TSHZ2: variants seen among roughly 807,000 people sequenced by gnomAD.
The protein encoded by TSHZ2 is teashirt homolog 2.
TSHZ2 carries 21 observed loss-of-function variants against 74.4 expected under a neutral mutation model. The ratio of observed to expected loss-of-function variants is 0.28; its 90% CI spans 0.20 to 0.41. The LOEUF (loss-of-function observed/expected upper bound fraction) is 0.41. Ranked by LOEUF, TSHZ2 falls within the 10% of genes least tolerant of loss-of-function variation. The probability of loss-of-function intolerance (pLI) is 1.00; values close to 1 mark genes in which losing one functional copy is unlikely to be tolerated. For missense variants in TSHZ2, 1,244 were observed against 1,293.5 expected (o/e 0.96, Z 0.59); for synonymous variants, 540 against 515.3 (o/e 1.05, Z -0.65).
intron 1 of TSHZ2, among the ~76,000 whole-genome samples, chr20:53,039,333 T>C (rs531583762): frequency 1.3e-5 from 2 of 152,332 alleles, no homozygotes; most frequent in South Asian, 4.1e-4. Flanking sequence ...TGTTGTTCTT[T>C]AATTTGTCTA....
chr20:53,243,346 T>C (rs1438797618), intron 1 of TSHZ2, among the ~76,000 whole-genome samples: 1 of 152,218 alleles, frequency 6.6e-6, no homozygotes, highest in Non-Finnish European at 1.5e-5. Flanking sequence ...CTATGAGTCA[T>C]CACTGCATGC....
intron 1 of TSHZ2, among the ~76,000 whole-genome samples, chr20:53,031,006 AT>A (rs200348761): frequency 2.0e-5 from 3 of 152,138 alleles, no homozygotes; most frequent in Non-Finnish European, 4.4e-5. Context: ...TGTGGGCTTT[AT>A]TTTTTTTAAA....
intron 1 of TSHZ2, among the ~76,000 whole-genome samples, chr20:53,160,745 C>CAAAAAA (rs10653039): frequency 1.1e-4 from 11 of 95,828 alleles, no homozygotes; most frequent in African/African-American, 4.6e-4. Context: ...ACTCTGTCTC[C>CAAAAAA]AAAAAAAAAA....
chr20:53,175,260 C>A (rs1988307831), intron 1 of TSHZ2, among the ~76,000 whole-genome samples: 1 of 151,004 alleles, frequency 6.6e-6, no homozygotes, highest in African/African-American at 2.4e-5. Flanking sequence ...CCTGCCTCAG[C>A]CTCCCGAGTA....
Position 53,482,409 on chromosome 20 carries a change from T to C in TSHZ2, c.*9-4735T>C, listed in dbSNP as rs1038402608. On this transcript the variant is annotated intron_variant, in intron 2 of 2. Transcript: ENST00000371497. ...TCACCACAACAGGATCCTTTCATGCTGAGATCCAAAAAAGCCAGATAACCT... is the reference window on the plus strand; with the variant it reads ...TCACCACAACAGGATCCTTTCATGCCGAGATCCAAAAAAGCCAGATAACCT... 5.9e-5 allele frequency among the ~76,000 whole-genome samples: 9 copies of C among 152,256 alleles called. No individual in the cohort carries two copies. The South Asian group carries it at 1.7e-3, about 28-fold the overall frequency.
chr20:53,200,435 T>C (rs1306693233), intron 1 of TSHZ2, among the ~76,000 whole-genome samples: 1 of 152,166 alleles, frequency 6.6e-6, no homozygotes, highest in Non-Finnish European at 1.5e-5. Context: ...CTGGGAGTGA[T>C]TGGAAACTTG....
At chr20:53,167,172 T>C (rs1411733496) in intron 1 of TSHZ2, among the ~76,000 whole-genome samples, 2 of 152,210 alleles carry the variant, frequency 1.3e-5, no homozygotes, top group Non-Finnish European at 2.9e-5. Flanking sequence ...GAATCCAGAA[T>C]AAAGTGGGAA....
At chr20:53,455,695 C>T (rs1207077737) in intron 2 of TSHZ2, among the ~76,000 whole-genome samples, 1 of 151,926 alleles carries the variant, frequency 6.6e-6, no homozygotes. Flanking sequence ...GTATATCTCC[C>T]AATGCTATCC....
intron 1 of TSHZ2, among the ~76,000 whole-genome samples, chr20:53,166,412 G>A (rs1380892350): frequency 6.6e-6 from 1 of 152,046 alleles, no homozygotes; most frequent in Non-Finnish European, 1.5e-5. Context: ...GAGGCCAGGA[G>A]TTTGAGACCA....
Position 53,180,054 on chromosome 20 carries a change from C to A in TSHZ2, c.41-73445C>A, listed in dbSNP as rs145330946. 1.7e-3 allele frequency among the ~76,000 whole-genome samples: 258 copies of A among 152,278 alleles called. 1 individual carries two copies. Among genetic ancestry groups the A allele is most frequent in the Middle Eastern group, 6.8e-3 (2 of 294 alleles). ...ACATAAACTGTCATTTATAGAATGTCGAACCATTTTGGAAATGATTGGAGG... is the reference window on the plus strand; with the variant it reads ...ACATAAACTGTCATTTATAGAATGTAGAACCATTTTGGAAATGATTGGAGG... On this transcript the variant is annotated intron_variant, in intron 1 of 2. Transcript: ENST00000371497.
chr20:53,455,667 C>T (rs931683982), intron 2 of TSHZ2, among the ~76,000 whole-genome samples: 1 of 152,040 alleles, frequency 6.6e-6, no homozygotes, highest in African/African-American at 2.4e-5. Flanking sequence ...CACCCACTAA[C>T]TCGTCATCTA....
At chr20:53,021,472 G>A (rs80045778) in intron 1 of TSHZ2, among the ~76,000 whole-genome samples, 1 of 152,286 alleles carries the variant, frequency 6.6e-6, no homozygotes, top group African/African-American at 2.4e-5. Flanking sequence ...AATTGGGTTT[G>A]CCTTCTTTCT....
intron 2 of TSHZ2, among the ~76,000 whole-genome samples, chr20:53,367,656 C>T (rs528749044): frequency 7.2e-5 from 11 of 151,768 alleles, no homozygotes; most frequent in African/African-American, 1.4e-4. Context: ...CTGCAAGCTC[C>T]GCCTTCTGGG....
chr20:53,129,007 T>A (rs1987026947), intron 1 of TSHZ2, among the ~76,000 whole-genome samples: 1 of 152,108 alleles, frequency 6.6e-6, no homozygotes, highest in African/African-American at 2.4e-5. Context: ...CAAAGGCCCA[T>A]GAAGTGAACA....
At chr20:53,414,947 G>T (rs916948061) in intron 2 of TSHZ2, among the ~76,000 whole-genome samples, 1 of 152,034 alleles carries the variant, frequency 6.6e-6, no homozygotes, top group Non-Finnish European at 1.5e-5. Flanking sequence ...CTTCTTCAGG[G>T]TTTTTAGAGG....
chr20:53,206,485 G>A (rs1989170817), intron 1 of TSHZ2: 1 of 152,196 alleles, frequency 6.6e-6, no homozygotes, highest in East Asian at 1.9e-4. Flanking sequence ...AAATAGAGAA[G>A]GGAAAAGATT....
At chr20:53,069,328 G>A (rs1215031102) in intron 1 of TSHZ2, among the ~76,000 whole-genome samples, 1 of 152,128 alleles carries the variant, frequency 6.6e-6, no homozygotes, top group Non-Finnish European at 1.5e-5. Context: ...CTGCTGGACC[G>A]TGAGTGATTT....
chr20:53,345,514 C>T (rs1387151288), intron 2 of TSHZ2, among the ~76,000 whole-genome samples: 2 of 152,108 alleles, frequency 1.3e-5, no homozygotes, highest in African/African-American at 4.8e-5. Flanking sequence ...CTCCTACTAT[C>T]ATAAGCATCT....
chr20:53,413,650 T>G (rs531419382), intron 2 of TSHZ2, among the ~76,000 whole-genome samples: 1 of 152,252 alleles, frequency 6.6e-6, no homozygotes, highest in Non-Finnish European at 1.5e-5. Flanking sequence ...ACTACTCCAT[T>G]GTGAAGTATT....
Sources: allele counts gnomAD v4.1 joint callset (sites outside exome capture counted in the v4.1 genomes callset), GRCh38; gene constraint gnomAD v4.1.1; transcripts MANE v1.5; gene names NCBI Gene and HGNC (gene_info 2026-07-23, HGNC 2026-07-21).